The following TNIP2 variants were observed in gnomAD, a reference collection of about 807,000 sequenced individuals.
TNIP2 encodes the protein TNFAIP3-interacting protein 2.
In TNIP2, 30 loss-of-function variants were observed where a neutral mutation model predicts 43.7. The ratio of observed to expected loss-of-function variants is 0.69; its 90% CI spans 0.51 to 0.93. TNIP2 has a LOEUF of 0.93. TNIP2 is among the 40% of genes least tolerant of loss of function. The pLI, the probability that TNIP2 is intolerant of heterozygous loss-of-function variation, is 0.00. For missense variants in TNIP2, 599 were observed against 591.0 expected (o/e 1.01, Z -0.14); for synonymous variants, 260 against 254.6 (o/e 1.02, Z -0.20).
intron 1 of TNIP2, among the ~76,000 whole-genome samples, chr4:2,752,898 G>A (rs1328776248): frequency 6.6e-6 from 1 of 151,994 alleles, no homozygotes; most frequent in Non-Finnish European, 1.5e-5. Context: ...TAAGAAGTTA[G>A]CCAGGTGTGG....
intron 1 of TNIP2, among the ~76,000 whole-genome samples, chr4:2,755,009 C>T (rs575945871): frequency 6.6e-6 from 1 of 152,294 alleles, no homozygotes; most frequent in East Asian, 1.9e-4. Context: ...CAGGCGTGAG[C>T]CACTGCACCC....
intron 3 of TNIP2, 87 bp downstream of exon 3, chr4:2,745,359 G>A (rs758896136): frequency 1.5e-4 from 153 of 1,029,394 alleles, no homozygotes; most frequent in Middle Eastern, 1.2e-3. Flanking sequence ...GGCGGGGGGC[G>A]ACTCTGGGCA....
intron 5 of TNIP2, among the ~76,000 whole-genome samples, chr4:2,743,555 T>G (rs1721852356): frequency 6.6e-6 from 1 of 152,150 alleles, no homozygotes; most frequent in African/African-American, 2.4e-5. Context: ...CAGAAACCAC[T>G]GAGGCCCAGT....
intron 1 of TNIP2, among the ~76,000 whole-genome samples, chr4:2,749,574 C>T (rs1722050627): frequency 6.6e-6 from 1 of 152,064 alleles, no homozygotes; most frequent in Non-Finnish European, 1.5e-5. Flanking sequence ...GGATAAAGGC[C>T]AAGGAACACC....
chr4:2,742,431 A>G lies in TNIP2; in HGVS notation c.1116T>C (p.Pro372=), dbSNP rs755439581. The change falls in exon 6 of 6, where the codon CCT becomes CCC. Residue 372 remains proline, a synonymous_variant. Transcript: ENST00000315423. ...ACCCAGTCCCAGGCCTCCAGCCACC[A>G]GGCACCATAAGCTCTAATGCGTCGG... is the stretch of plus-strand genomic sequence containing the variant. ...LAADALELMV[P]GGWRPGTGSQ... 6.2e-7 allele frequency: 1 copy of G among 1,612,914 alleles called. No homozygotes were observed. The highest frequency in any genetic ancestry group is 8.5e-7 in the Non-Finnish European group (1 of 1,179,348).
chr4:2,744,247 C>T lies in TNIP2; in HGVS notation c.1026+140G>A, dbSNP rs1560642823. On this transcript the variant is annotated intron_variant, in intron 5 of 5. Coordinates refer to ENST00000315423, the MANE Select transcript of TNIP2 (RefSeq NM_024309.4). This position sits in a 1 kb window ranked among gnomAD's most constrained non-coding sequence, Gnocchi z 5.1. ...CCAGGTACCAGGCCAGGTGGCTCTC[C>T]CCACAGCAGGGAGGGGCTCGCCACA... 6 of 1,096,232 alleles carry T rather than the reference C, an allele frequency of 5.5e-6. No individual in the cohort carries two copies. Among genetic ancestry groups the T allele is most frequent in the Admixed American group, 2.5e-5 (1 of 40,412 alleles). The allele number at this position is 1,096,232 out of a possible 1,614,324, so 67.9% of individuals were successfully genotyped here. A position where few individuals can be genotyped will look rare whatever the true frequency, so the allele number is the denominator to read the frequency against.
Position 2,742,158 on chromosome 4 carries a change from C to T in TNIP2, c.*99G>A. 2.5e-6 allele frequency: 3 copies of T among 1,221,044 alleles called. No homozygotes were observed. The highest frequency in any genetic ancestry group is 3.2e-6 in the Non-Finnish European group (3 of 934,726). 75.6% of individuals were successfully genotyped at this position (1,221,044 alleles called of 1,614,324 possible). ...CGCAACTATTCTAGGGGCCTTGGCT[C>T]TCAGTAGAGCTCAACCCATGGCATC... On this transcript the variant is annotated 3_prime_UTR_variant, in exon 6 of 6. Transcript: ENST00000315423.
Position 2,744,226 on chromosome 4 carries a change from G to A in TNIP2, c.1026+161C>T, listed in dbSNP as rs1721874260. Reference sequence around the variant, plus strand: ...GGAGGCTTTCCATGACCACGCCCAGGTACCAGGCCAGGTGGCTCTCCCCAC... The same window carrying A: ...GGAGGCTTTCCATGACCACGCCCAGATACCAGGCCAGGTGGCTCTCCCCAC... On this transcript the variant is annotated intron_variant, in intron 5 of 5. Coordinates refer to ENST00000315423, the MANE Select transcript of TNIP2 (RefSeq NM_024309.4). The surrounding 1 kb of genome is among the most constrained non-coding windows in gnomAD (Gnocchi z 5.1). Among the ~76,000 whole-genome samples the A allele has an allele frequency of 6.6e-6, 1 of 152,136 alleles. No individual in the cohort carries two copies. Among genetic ancestry groups the A allele is most frequent in the Non-Finnish European group, 1.5e-5 (1 of 68,018 alleles).
rs556007586 is a variant in TNIP2, at chr4:2,744,379, T to C, written c.1026+8A>G. The C allele has an allele frequency of 6.2e-7, 1 of 1,614,184 alleles. No homozygotes were observed. Among genetic ancestry groups the C allele is most frequent in the Non-Finnish European group, 8.5e-7 (1 of 1,180,028 alleles). Reference sequence around the variant, plus strand: ...CTAAGCAGGAAGAAAAACGCCCTCATACTCTACCTGTCTCCAGGACACCTG... The same window carrying C: ...CTAAGCAGGAAGAAAAACGCCCTCACACTCTACCTGTCTCCAGGACACCTG... On this transcript the variant is annotated splice_region_variant and intron_variant, in intron 5 of 5. Coordinates refer to ENST00000315423, the MANE Select transcript of TNIP2 (RefSeq NM_024309.4). The surrounding 1 kb of genome is among the most constrained non-coding windows in gnomAD (Gnocchi z 5.1).
intron 5 of TNIP2, among the ~76,000 whole-genome samples, chr4:2,742,784 T>A (rs570619284): frequency 6.8e-4 from 103 of 152,312 alleles, no homozygotes; most frequent in Non-Finnish European, 1.3e-3. Flanking sequence ...TCCTGTTCAG[T>A]TGGACCTATC....
At position 2,741,926 on chromosome 4, in the gene TNIP2, A is replaced by G. The variant is rs896705324; in HGVS notation, c.*331T>C. 6 of 226,258 alleles carry G rather than the reference A, an allele frequency of 2.7e-5. No individual in the cohort carries two copies. The highest frequency in any genetic ancestry group is 4.3e-5 in the Non-Finnish European group (5 of 116,502). 14.0% of individuals were successfully genotyped at this position (226,258 alleles called of 1,614,324 possible). On this transcript the variant is annotated 3_prime_UTR_variant, in exon 6 of 6. Transcript: ENST00000315423. ...ATACAAGTGACTCCCTCAGGCAGCC[A>G]CCCCTTTCTAGGCAGGCTGGGGGAG...
At chr4:2,747,206 G>A (rs926896012) in intron 2 of TNIP2, among the ~76,000 whole-genome samples, 1 of 152,230 alleles carries the variant, frequency 6.6e-6, no homozygotes, top group South Asian at 2.1e-4. Context: ...CCTGAAGAAG[G>A]CGGGCACTCA....
intron 5 of TNIP2, 97 bp from the exon 6 acceptor site, chr4:2,742,617 G>C (rs1369862090): frequency 8.2e-6 from 11 of 1,333,610 alleles, no homozygotes; most frequent in Admixed American, 2.6e-5. Context: ...ACCTATCCCT[G>C]AGCGGAACTT....
chr4:2,754,509 C>T (rs985577157), intron 1 of TNIP2, among the ~76,000 whole-genome samples: 1 of 152,228 alleles, frequency 6.6e-6, no homozygotes, highest in Admixed American at 6.5e-5. Flanking sequence ...CTCCGCCGCC[C>T]GGGTTCATGC....
chr4:2,754,900 C>T (rs758127816), intron 1 of TNIP2, among the ~76,000 whole-genome samples: 18 of 152,134 alleles, frequency 1.2e-4, no homozygotes, highest in Non-Finnish European at 2.5e-4. Flanking sequence ...TAATTTTTTG[C>T]ACTTTTTGTA....
chr4:2,743,215 A>G (rs559834050), intron 5 of TNIP2, among the ~76,000 whole-genome samples: 3 of 152,034 alleles, frequency 2.0e-5, no homozygotes, highest in Non-Finnish European at 4.4e-5. Context: ...CTAGGGACTG[A>G]GCAACCCTCG....
Position 2,756,097 on chromosome 4 carries a change from C to A in TNIP2, c.193G>T (p.Asp65Tyr). The A allele has an allele frequency of 6.6e-7, 1 of 1,508,574 alleles. No homozygotes were observed. The allele number at this position is 1,508,574 out of a possible 1,614,324, so 93.4% of individuals were successfully genotyped here. The stretch of plus-strand genomic sequence containing the variant: ...CGCGCAACCTGCTCCAGCAGCGCGT[C>A]CACTAGGGACGGCGCGGCGTCCCCC... ...LEGDAAPSLV[D>Y]ALLEQVARFR... The change falls in exon 1 of 6, where the codon GAC (aspartate) becomes TAC (tyrosine). Residue 65 changes from aspartate (D) to tyrosine (Y), a missense_variant. Coordinates refer to ENST00000315423, the MANE Select transcript of TNIP2 (RefSeq NM_024309.4).
chr4:2,755,974 A>T, intron 1 of TNIP2, 40 bp downstream of exon 1: 1 of 1,496,472 alleles, frequency 6.7e-7, no homozygotes. Flanking sequence ...CGCCACACGC[A>T]CTCTCGCTCC....
intron 1 of TNIP2, 130 bp from the exon 2 acceptor site, chr4:2,748,075 T>C: frequency 1.0e-6 from 1 of 989,188 alleles, no homozygotes; most frequent in Non-Finnish European, 1.5e-6. Flanking sequence ...CACTCAGAAG[T>C]TGGGCGTTTG....
Sources: allele counts gnomAD v4.1 joint callset (sites outside exome capture counted in the v4.1 genomes callset), GRCh38; gene constraint gnomAD v4.1.1; non-coding constraint Gnocchi (gnomAD v3.1); transcripts MANE v1.5; gene names NCBI Gene and HGNC (gene_info 2026-07-23, HGNC 2026-07-21).